The following TENT5D variants were observed in gnomAD, a reference collection of about 807,000 sequenced individuals.
TENT5D encodes the protein terminal nucleotidyltransferase 5D.
For missense variants in TENT5D, 191 were observed against 287.0 expected, an observed-to-expected ratio of 0.67 and a Z score of 2.42; for synonymous variants, 103 against 100.6, an observed-to-expected ratio of 1.02 and a Z score of -0.15.
chrX:80,413,348 C>T (rs914616219), intron 3 of TENT5D, among the ~76,000 whole-genome samples: 3 of 111,640 alleles, frequency 2.7e-5, no homozygotes, highest in East Asian at 2.8e-4. Flanking sequence ...TAGACATATT[C>T]GACATGTAGT....
chrX:80,355,805 C>T (rs1348136451), intron 3 of TENT5D, among the ~76,000 whole-genome samples: 3 of 111,793 alleles, frequency 2.7e-5, no homozygotes, highest in Admixed American at 9.5e-5. Flanking sequence ...TCCAAAGATC[C>T]GTTAGGAGTG....
At chrX:80,386,194 C>G (rs12395998) in intron 3 of TENT5D, among the ~76,000 whole-genome samples, 154 of 112,188 alleles carry the variant, frequency 1.4e-3, no homozygotes, top group African/African-American at 4.6e-3. Context: ...CAATGATAGA[C>G]TGGATTAAGA....
intron 3 of TENT5D, among the ~76,000 whole-genome samples, chrX:80,392,617 C>T (rs1457860144): frequency 3.0e-5 from 3 of 100,944 alleles, no homozygotes; most frequent in East Asian, 3.2e-4. Context: ...CCCGGGTTCA[C>T]GCCATTCTCC....
chrX:80,389,692 C>T (rs954364214), intron 3 of TENT5D, among the ~76,000 whole-genome samples: 5 of 111,990 alleles, frequency 4.5e-5, no homozygotes, highest in Admixed American at 2.9e-4. Context: ...GCAAATGCTG[C>T]TAATACGTCC....
chrX:80,355,948 T>C (rs1415103155), intron 3 of TENT5D, among the ~76,000 whole-genome samples: 1 of 111,882 alleles, frequency 8.9e-6, no homozygotes, highest in Non-Finnish European at 1.9e-5. Context: ...GAACTCCCAG[T>C]ACCTGCAGTT....
chrX:80,351,907 T>TC (rs776180836), intron 3 of TENT5D, among the ~76,000 whole-genome samples: 1 of 112,352 alleles, frequency 8.9e-6, no homozygotes, highest in South Asian at 3.7e-4. Flanking sequence ...AGGCCCCTCT[T>TC]CTGCAGCTCT....
chrX:80,384,193 G>T (rs1220789384), intron 3 of TENT5D, among the ~76,000 whole-genome samples: 1 of 100,101 alleles, frequency 1.0e-5, no homozygotes, highest in Non-Finnish European at 2.0e-5. Flanking sequence ...CTGGCAAACC[G>T]AATCCAGCAG....
At chrX:80,353,557 T>C (rs1249309693) in intron 3 of TENT5D, among the ~76,000 whole-genome samples, 2 of 111,843 alleles carry the variant, frequency 1.8e-5, no homozygotes, top group Non-Finnish European at 3.8e-5. Context: ...TGTGTTAGCT[T>C]ACTTAGGATA....
At chrX:80,441,642 C>T (rs1056776231) in intron 2 of TENT5D, among the ~76,000 whole-genome samples, 1 of 111,231 alleles carries the variant, frequency 9.0e-6, no homozygotes, top group African/African-American at 3.2e-5. Context: ...TGTGATTGTA[C>T]ATAACAACAT....
intron 3 of TENT5D, among the ~76,000 whole-genome samples, chrX:80,363,036 T>C (rs754723631): frequency 8.9e-6 from 1 of 112,070 alleles, no homozygotes; most frequent in East Asian, 2.8e-4. Flanking sequence ...TTTTATTTTT[T>C]CTAAGCTGTT....
chrX:80,372,565 A>G (rs1215262980), intron 3 of TENT5D, among the ~76,000 whole-genome samples: 3 of 110,930 alleles, frequency 2.7e-5, no homozygotes, highest in Non-Finnish European at 5.7e-5. Flanking sequence ...ATGTTGAACC[A>G]TCATGGATTT....
At chrX:80,415,199 T>C (rs1281555038) in intron 3 of TENT5D, among the ~76,000 whole-genome samples, 1 of 111,996 alleles carries the variant, frequency 8.9e-6, no homozygotes, top group Non-Finnish European at 1.9e-5. Context: ...GGGCAGAGCC[T>C]ATAGGGTTTT....
intron 3 of TENT5D, among the ~76,000 whole-genome samples, chrX:80,372,982 T>C (rs1930655591): frequency 9.1e-6 from 1 of 110,292 alleles, no homozygotes; most frequent in Non-Finnish European, 1.9e-5. Context: ...ACCATAGTGA[T>C]ATGTATTTAT....
At chrX:80,425,541 G>C (rs1195992338) in intron 1 of TENT5D, among the ~76,000 whole-genome samples, 1 of 112,127 alleles carries the variant, frequency 8.9e-6, no homozygotes, top group African/African-American at 3.2e-5. Flanking sequence ...ATTTTTTGAA[G>C]AGGATTAAAA....
upstream of TENT5D, among the ~76,000 whole-genome samples, chrX:80,418,296 C>T (rs1931816377): frequency 9.1e-6 from 1 of 110,481 alleles, no homozygotes; most frequent in South Asian, 3.9e-4. Flanking sequence ...ATTACCAGTT[C>T]ATGCCACCAT....
upstream of TENT5D, among the ~76,000 whole-genome samples, chrX:80,415,973 C>T (rs1268200159): frequency 9.0e-6 from 1 of 111,651 alleles, no homozygotes; most frequent in Non-Finnish European, 1.9e-5. Flanking sequence ...TTTTAGAACT[C>T]ATTACTGGTT....
At chrX:80,352,711 G>A (rs1930205253) in intron 3 of TENT5D, among the ~76,000 whole-genome samples, 1 of 51,919 alleles carries the variant, frequency 1.9e-5, no homozygotes, top group Admixed American at 3.6e-4. Flanking sequence ...GGAGTACGAA[G>A]CAAACAAACA....
rs902994340 is a variant in TENT5D, at chrX:80,363,864, A to G, written c.-142+21300A>G. On this transcript the variant is annotated intron_variant, in intron 3 of 4. Transcript: ENST00000538312. Reference sequence around the variant, plus strand: ...AAGATATGCGGTGTGATGTTTTGATACATGTAGACATTGTGAAATGTTTAA... The same window carrying G: ...AAGATATGCGGTGTGATGTTTTGATGCATGTAGACATTGTGAAATGTTTAA... Among the ~76,000 whole-genome samples the G allele has an allele frequency of 2.3e-4, 26 of 112,575 alleles. 1 individual carries two copies. The highest frequency in any genetic ancestry group is 1.8e-3 in the South Asian group (5 of 2,797).
intron 3 of TENT5D, among the ~76,000 whole-genome samples, chrX:80,348,202 A>G (rs1240953930): frequency 8.9e-6 from 1 of 112,079 alleles, no homozygotes; most frequent in African/African-American, 3.2e-5. Context: ...AATTCTGTGA[A>G]GAAAGTCAAT....
Sources: allele counts gnomAD v4.1 joint callset (sites outside exome capture counted in the v4.1 genomes callset), GRCh38; gene constraint gnomAD v4.1.1; transcripts MANE v1.5; gene names NCBI Gene and HGNC (gene_info 2026-07-23, HGNC 2026-07-21).